FABP12: variants seen among roughly 807,000 people sequenced by gnomAD.
FABP12 encodes the protein fatty acid-binding protein 12.
Under a neutral mutation model 13.7 loss-of-function variants are expected in FABP12, and 19 were observed. The ratio of observed to expected loss-of-function variants is 1.39; its 90% CI spans 0.97 to 2.04. The LOEUF is 2.04. Among genes scored for constraint, FABP12 ranks in the 30% most tolerant of loss-of-function variants. FABP12 has a pLI of 0.00. For missense variants in FABP12, 182 were observed against 164.2 expected (o/e 1.11, Z -0.59); for synonymous variants, 61 against 57.0 (o/e 1.07, Z -0.32).
intron 1 of FABP12, among the ~76,000 whole-genome samples, chr8:81,559,154 T>G (rs1585850218): frequency 6.6e-6 from 1 of 152,296 alleles, no homozygotes; most frequent in Non-Finnish European, 1.5e-5. Flanking sequence ...AAGCCACTTA[T>G]CAATGTATTC....
At chr8:81,528,019 C>G (rs1287964910) in intron 3 of FABP12, among the ~76,000 whole-genome samples, 1 of 152,106 alleles carries the variant, frequency 6.6e-6, no homozygotes, top group Non-Finnish European at 1.5e-5. Context: ...TATGAGCTTA[C>G]TTAAAAGAAA....
intron 1 of FABP12, among the ~76,000 whole-genome samples, chr8:81,571,933 A>G (rs1377269173): frequency 1.4e-5 from 2 of 139,000 alleles, no homozygotes; most frequent in Non-Finnish European, 3.1e-5. Flanking sequence ...GATATTCTAT[A>G]TGACTATAAC....
intron 1 of FABP12, among the ~76,000 whole-genome samples, chr8:81,571,319 G>A (rs1435973636): frequency 6.6e-6 from 1 of 152,228 alleles, no homozygotes. Context: ...GCCCCAACTT[G>A]GGCCTTGAGT....
At chr8:81,580,200 C>T (rs532407140) in intron 1 of FABP12, among the ~76,000 whole-genome samples, 4 of 152,266 alleles carry the variant, frequency 2.6e-5, no homozygotes, top group Middle Eastern at 3.4e-3. Flanking sequence ...CCTAGTGATA[C>T]TAAAGTTAGA....
intron 1 of FABP12, among the ~76,000 whole-genome samples, chr8:81,572,546 G>A (rs1809952734): frequency 1.3e-5 from 2 of 152,086 alleles, no homozygotes; most frequent in African/African-American, 2.4e-5. Flanking sequence ...TTTCCATAGC[G>A]GCTGTACTAG....
chr8:81,532,839 A>G (rs1276078551), intron 1 of FABP12: 4 of 152,412 alleles, frequency 2.6e-5, no homozygotes, highest in Non-Finnish European at 5.9e-5. Context: ...TCAAAAAAGC[A>G]AAACAAAACA....
At chr8:81,568,847 T>C (rs1809874641) in intron 1 of FABP12, among the ~76,000 whole-genome samples, 1 of 152,136 alleles carries the variant, frequency 6.6e-6, no homozygotes, top group Non-Finnish European at 1.5e-5. Flanking sequence ...TTAAGTGAAA[T>C]AAGTCAGGCA....
At chr8:81,534,962 CAT>C (rs1039668222), upstream of FABP12, among the ~76,000 whole-genome samples, 4 of 151,976 alleles carry the variant, frequency 2.6e-5, no homozygotes, top group Admixed American at 2.0e-4. Context: ...AAAATGTAAA[CAT>C]GTGTCATTGT....
At chr8:81,566,772 C>A (rs888206862) in intron 1 of FABP12, among the ~76,000 whole-genome samples, 1 of 151,974 alleles carries the variant, frequency 6.6e-6, no homozygotes, top group Non-Finnish European at 1.5e-5. Context: ...CCACTGTCCC[C>A]AATATTATTC....
chr8:81,554,585 C>T lies in FABP12; in HGVS notation c.-184-14842G>A, dbSNP rs575732318. 1.8e-4 allele frequency among the ~76,000 whole-genome samples: 27 copies of T among 152,174 alleles called. No homozygotes were observed. In the South Asian group the frequency reaches 5.4e-3, roughly 30 times the overall value. On this transcript the variant is annotated intron_variant, in intron 1 of 5. Coordinates refer to the FABP12 transcript ENST00000692030. ...CCACATTCTACTTGTGTAGGAGCTG[C>T]GACAGTAACCAACTCATCCTGCCCT...
At chr8:81,532,037 A>T (rs1034473275) in intron 1 of FABP12, among the ~76,000 whole-genome samples, 1 of 152,174 alleles carries the variant, frequency 6.6e-6, no homozygotes, top group African/African-American at 2.4e-5. Flanking sequence ...CATCATTGCC[A>T]TGAGAACACC....
chr8:81,535,109 A>C (rs1809190951), upstream of FABP12, among the ~76,000 whole-genome samples: 1 of 152,226 alleles, frequency 6.6e-6, no homozygotes, highest in African/African-American at 2.4e-5. Context: ...CATCAAGCAC[A>C]GTAGCCCATC....
chr8:81,566,077 AC>A (rs1809813829), intron 1 of FABP12, among the ~76,000 whole-genome samples: 1 of 152,098 alleles, frequency 6.6e-6, no homozygotes, highest in Non-Finnish European at 1.5e-5. Flanking sequence ...GGACATGAAT[AC>A]ATTCCTAGAC....
At chr8:81,578,357 C>T (rs75955591) in intron 1 of FABP12, among the ~76,000 whole-genome samples, 2,300 of 152,098 alleles carry the variant, frequency 0.015, 26 homozygotes, top group Non-Finnish European at 0.025. Flanking sequence ...TAAAAGTAGG[C>T]CAAAGTCCTT....
At chr8:81,531,425 A>C in intron 1 of FABP12, 35 bp from the exon 2 acceptor site, 1 of 672,054 alleles carries the variant, frequency 1.5e-6, no homozygotes. Context: ...AGAGAATGAG[A>C]TGAGAAAAGT....
chr8:81,547,164 A>G (rs1585844450), intron 1 of FABP12, among the ~76,000 whole-genome samples: 1 of 152,356 alleles, frequency 6.6e-6, no homozygotes, highest in East Asian at 1.9e-4. Flanking sequence ...GAGTCCTGAC[A>G]CAGGGACCAA....
chr8:81,551,193 G>T (rs541950386), intron 1 of FABP12, among the ~76,000 whole-genome samples: 2 of 152,226 alleles, frequency 1.3e-5, no homozygotes, highest in East Asian at 3.9e-4. Flanking sequence ...GACTCCTGAG[G>T]TCCATCCCTA....
chr8:81,555,332 CAAAT>C (rs950798750), intron 1 of FABP12, among the ~76,000 whole-genome samples: 16 of 152,120 alleles, frequency 1.1e-4, no homozygotes, highest in Non-Finnish European at 1.6e-4. Flanking sequence ...GAAAAATAGA[CAAAT>C]AAACATTAAG....
chr8:81,536,680 G>A (rs1023617817), upstream of FABP12, among the ~76,000 whole-genome samples: 1 of 152,192 alleles, frequency 6.6e-6, no homozygotes, highest in Non-Finnish European at 1.5e-5. Flanking sequence ...AAACTACACT[G>A]AATTCCTTCA....
Sources: allele counts gnomAD v4.1 joint callset (sites outside exome capture counted in the v4.1 genomes callset), GRCh38; gene constraint gnomAD v4.1.1; transcripts MANE v1.5; gene names NCBI Gene and HGNC (gene_info 2026-07-23, HGNC 2026-07-21).